Variants in HK1 observed in about 807,000 individuals in gnomAD.
HK1 encodes the protein hexokinase-1.
In HK1, 28 loss-of-function variants were observed where a neutral mutation model predicts 91.6. The ratio of observed to expected loss-of-function variants is 0.31; its 90% CI spans 0.23 to 0.42. The LOEUF (loss-of-function observed/expected upper bound fraction) is 0.42, where lower values mean the gene tolerates loss of function less well. HK1 is among the 10% of genes least tolerant of loss of function. HK1 has a pLI of 1.00. For synonymous variants in HK1, 430 were observed against 468.1 expected (o/e 0.92, Z 1.05); for missense variants, 770 against 1,219.8 (o/e 0.63, Z 5.49).
intron 3 of HK1, among the ~76,000 whole-genome samples, chr10:69,291,119 T>C (rs1589441856): frequency 6.6e-6 from 1 of 152,240 alleles, no homozygotes; most frequent in East Asian, 1.9e-4. Context: ...CCTGCCTGGC[T>C]TTGCCAGTCC....
intron 2 of HK1, among the ~76,000 whole-genome samples, chr10:69,347,873 G>A (rs1002152591): frequency 2.0e-5 from 3 of 152,166 alleles, no homozygotes; most frequent in Non-Finnish European, 2.9e-5. Flanking sequence ...TATGCAGATA[G>A]GAGAAAAGCA....
chr10:69,283,005 A>G (rs10998694), intron 2 of HK1, among the ~76,000 whole-genome samples: 68,599 of 150,516 alleles, frequency 0.46, 16,052 homozygotes, highest in African/African-American at 0.54. Context: ...AGGCGCCTGT[A>G]ATCCCAGCTA....
At chr10:69,293,658 A>G (rs914838355) in intron 3 of HK1, among the ~76,000 whole-genome samples, 1 of 152,072 alleles carries the variant, frequency 6.6e-6, no homozygotes, top group Non-Finnish European at 1.5e-5. Context: ...TGGCTCCCTC[A>G]GAGGTCTGCA....
At chr10:69,298,405 C>T (rs1845677716) in intron 4 of HK1, among the ~76,000 whole-genome samples, 1 of 151,662 alleles carries the variant, frequency 6.6e-6, no homozygotes, top group Non-Finnish European at 1.5e-5. Context: ...AGGAGAGGAT[C>T]ACTTGAGGCC....
intron 2 of HK1, among the ~76,000 whole-genome samples, chr10:69,352,015 C>CA (rs1281631784): frequency 2.0e-5 from 3 of 148,940 alleles, no homozygotes; most frequent in Non-Finnish European, 4.4e-5. Context: ...TTTTTTGAGA[C>CA]AGAGTCTTGC....
At chr10:69,370,685 G>A (rs1240945940) in intron 7 of HK1, among the ~76,000 whole-genome samples, 3 of 152,144 alleles carry the variant, frequency 2.0e-5, no homozygotes, top group Non-Finnish European at 4.4e-5. Flanking sequence ...AGAGGAGTTG[G>A]GGTAAGAAGA....
chr10:69,334,265 T>C (rs1847869906), intron 1 of HK1, among the ~76,000 whole-genome samples: 1 of 152,182 alleles, frequency 6.6e-6, no homozygotes, highest in South Asian at 2.1e-4. Flanking sequence ...GATGGGGTTT[T>C]TGAGTGCCTG....
chr10:69,364,611 C>T lies in HK1; in HGVS notation c.376-172C>T, dbSNP rs570988266. Among the ~76,000 whole-genome samples the T allele has an allele frequency of 3.9e-5, 6 of 152,308 alleles. 1 individual carries two copies. The highest frequency in any genetic ancestry group is 1.4e-4 in the African/African-American group (6 of 41,568). ...GCTTTTGAAAAGTGACTCTTCTCTG[C>T]ATTCACACACAGCATGGCTTTTCAG... On this transcript the variant is annotated intron_variant, in intron 3 of 17. Transcript: ENST00000359426.
At chr10:69,300,343 G>C in intron 4 of HK1, 1 of 433,844 alleles carries the variant, frequency 2.3e-6, no homozygotes, top group Non-Finnish European at 4.2e-6. Context: ...TAATGTTGCT[G>C]CATATATCAA....
chr10:69,326,469 A>G (rs1426990944), intron 1 of HK1, among the ~76,000 whole-genome samples: 1 of 152,160 alleles, frequency 6.6e-6, no homozygotes, highest in Non-Finnish European at 1.5e-5. Flanking sequence ...CAGAGGAGAT[A>G]AAACATTTTT....
intron 4 of HK1, chr10:69,300,714 C>A: frequency 9.9e-7 from 1 of 1,010,514 alleles, no homozygotes; most frequent in Non-Finnish European, 1.6e-6. Context: ...AGTGAGAAAC[C>A]AGACGATGAC....
At chr10:69,300,039 A>C (rs1845778035) in intron 4 of HK1, among the ~76,000 whole-genome samples, 1 of 151,200 alleles carries the variant, frequency 6.6e-6, no homozygotes, top group South Asian at 2.1e-4. Flanking sequence ...AGCTCAAGCA[A>C]TCCACCTGCC....
chr10:69,384,567 G>C (rs1369878385), intron 11 of HK1, 86 bp downstream of exon 11: 15 of 1,562,264 alleles, frequency 9.6e-6, no homozygotes, highest in Non-Finnish European at 1.3e-5. Flanking sequence ...TCCGCCACGG[G>C]GTGCCCACAT....
rs183487689 is a variant in HK1 at position 69,326,198 on chromosome 10, C to T, written c.63+7188C>T. On this transcript the variant is annotated intron_variant, in intron 1 of 17. Transcript: ENST00000359426. ...CTGGAACACTTCGTGAGTGTCATGT[C>T]GGGTATGAATTATATATATATGTAA... Among the ~76,000 whole-genome samples the T allele has an allele frequency of 1.1e-4, 17 of 150,442 alleles. No individual in the cohort carries two copies. In the East Asian group the frequency reaches 2.0e-3, roughly 18 times the overall value.
intron 1 of HK1, among the ~76,000 whole-genome samples, chr10:69,330,501 G>C (rs1230415034): frequency 6.6e-6 from 1 of 152,168 alleles, no homozygotes; most frequent in Non-Finnish European, 1.5e-5. Flanking sequence ...AATTCTTGCA[G>C]TACCTGCAGA....
intron 10 of HK1, 119 bp from the exon 11 acceptor site, chr10:69,384,214 A>T: frequency 8.4e-7 from 1 of 1,196,946 alleles, no homozygotes; most frequent in Non-Finnish European, 1.2e-6. Context: ...GAGGAGTTGC[A>T]GCTTCTCCTC....
At chr10:69,326,507 G>GA (rs1847386926) in intron 1 of HK1, among the ~76,000 whole-genome samples, 1 of 152,186 alleles carries the variant, frequency 6.6e-6, no homozygotes, top group Non-Finnish European at 1.5e-5. Context: ...TCAGGAATAG[G>GA]ATTCAGAGGG....
intron 1 of HK1, among the ~76,000 whole-genome samples, chr10:69,333,467 TGG>T (rs1847831833): frequency 6.6e-6 from 1 of 152,274 alleles, no homozygotes; most frequent in East Asian, 1.9e-4. Flanking sequence ...CCCGAGGGAA[TGG>T]GGGCCTGCTT....
At chr10:69,365,912 A>G (rs1489257962) in intron 4 of HK1, among the ~76,000 whole-genome samples, 1 of 151,936 alleles carries the variant, frequency 6.6e-6, no homozygotes, top group Non-Finnish European at 1.5e-5. Context: ...GCTCACTGCA[A>G]CCTCCACCTC....
Sources: gnomAD v4.1 joint callset for allele counts (sites outside exome capture counted in the v4.1 genomes callset) on GRCh38, gnomAD v4.1.1 for gene constraint, MANE v1.5 for transcripts, NCBI Gene and HGNC (gene_info 2026-07-23, HGNC 2026-07-21) for gene names.